UBAC2: variants seen among roughly 807,000 people sequenced by gnomAD.
The protein encoded by UBAC2 is ubiquitin-associated domain-containing protein 2.
In UBAC2, 26 loss-of-function variants were observed where a neutral mutation model predicts 44.0. The observed-to-expected ratio is 0.59, with a 90% CI of 0.43 to 0.82. The LOEUF (loss-of-function observed/expected upper bound fraction) is 0.82. UBAC2 is among the 40% of genes least tolerant of loss of function. The pLI, the probability that UBAC2 is intolerant of heterozygous loss-of-function variation, is 0.00. For missense variants in UBAC2, 329 were observed against 419.4 expected (o/e 0.78, Z 1.88); for synonymous variants, 155 against 154.3 (o/e 1.00, Z -0.04).
chr13:99,285,980 G>A (rs1464003204), intron 4 of UBAC2, among the ~76,000 whole-genome samples: 1 of 152,114 alleles, frequency 6.6e-6, no homozygotes, highest in African/African-American at 2.4e-5. Flanking sequence ...TGACCTTGGA[G>A]CTCACAGTTG....
At chr13:99,205,230 C>G (rs1345018278) in intron 1 of UBAC2, among the ~76,000 whole-genome samples, 3 of 152,062 alleles carry the variant, frequency 2.0e-5, no homozygotes, top group Non-Finnish European at 2.9e-5. Flanking sequence ...GGAGAGGAGG[C>G]TTAGCTTGTT....
intron 8 of UBAC2, among the ~76,000 whole-genome samples, chr13:99,374,195 G>A (rs2045448125): frequency 1.3e-5 from 2 of 152,154 alleles, no homozygotes; most frequent in Non-Finnish European, 2.9e-5. Flanking sequence ...TAACTGATAG[G>A]TTAACATTGA....
At chr13:99,255,651 A>G in intron 4 of UBAC2, 1 of 1,614,118 alleles carries the variant, frequency 6.2e-7, no homozygotes. Flanking sequence ...GAAAGGGTAA[A>G]GTCATTATAA....
At chr13:99,372,889 C>T (rs745340696) in intron 8 of UBAC2, among the ~76,000 whole-genome samples, 5 of 152,042 alleles carry the variant, frequency 3.3e-5, no homozygotes, top group African/African-American at 7.2e-5. Flanking sequence ...CTGAGGCGGA[C>T]GGATCACGAG....
chr13:99,250,644 T>C (rs185050717), intron 4 of UBAC2, among the ~76,000 whole-genome samples: 111 of 152,362 alleles, frequency 7.3e-4, no homozygotes, highest in African/African-American at 2.5e-3. Context: ...GCCTTAAATC[T>C]GTAGATTGCT....
intron 4 of UBAC2, chr13:99,313,519 G>A (rs1416934954): frequency 1.3e-5 from 2 of 152,254 alleles, no homozygotes; most frequent in African/African-American, 4.8e-5. Flanking sequence ...CTATAGAAAG[G>A]GTTGAGATTG....
intron 1 of UBAC2, among the ~76,000 whole-genome samples, chr13:99,221,682 C>G (rs1222587156): frequency 6.6e-6 from 1 of 152,190 alleles, no homozygotes; most frequent in African/African-American, 2.4e-5. Context: ...AAATGCTGCC[C>G]TGTTCCACCT....
intron 1 of UBAC2, among the ~76,000 whole-genome samples, chr13:99,203,023 T>TTTTA (rs58103279): frequency 0.11 from 15,427 of 146,406 alleles, 1,073 homozygotes; most frequent in African/African-American, 0.19. Context: ...CTTTGTTTTA[T>TTTTA]TTTATTTATT....
chr13:99,284,635 A>G (rs1422506139), intron 4 of UBAC2, among the ~76,000 whole-genome samples: 2 of 152,230 alleles, frequency 1.3e-5, no homozygotes, highest in Non-Finnish European at 2.9e-5. Context: ...AATTGTCCAA[A>G]TAATGTCCTT....
chr13:99,311,262 G>A (rs2138758492), intron 4 of UBAC2, among the ~76,000 whole-genome samples: 1 of 152,310 alleles, frequency 6.6e-6, no homozygotes. Context: ...CAGGAAGAGA[G>A]TAGAGAATGC....
intron 1 of UBAC2, among the ~76,000 whole-genome samples, chr13:99,202,253 T>A (rs1467093857): frequency 2.0e-5 from 3 of 152,170 alleles, no homozygotes; most frequent in African/African-American, 7.2e-5. Flanking sequence ...TTCCTTTGTT[T>A]CATAATTAAT....
chr13:99,219,464 G>C (rs972229895), intron 1 of UBAC2, among the ~76,000 whole-genome samples: 1 of 152,156 alleles, frequency 6.6e-6, no homozygotes, highest in South Asian at 2.1e-4. Context: ...AGAAAGAAAC[G>C]GAGTGCCCAT....
chr13:99,381,686 CAG>C (rs1218937227), intron 8 of UBAC2, among the ~76,000 whole-genome samples: 2 of 152,142 alleles, frequency 1.3e-5, no homozygotes, highest in African/African-American at 4.8e-5. Flanking sequence ...CCACCTTGAT[CAG>C]AGAGAGTTTT....
chr13:99,304,593 C>T (rs2044304154), intron 4 of UBAC2, among the ~76,000 whole-genome samples: 1 of 152,144 alleles, frequency 6.6e-6, no homozygotes. Flanking sequence ...TTATTACACC[C>T]CAGTAAGCCC....
chr13:99,215,848 G>T, intron 1 of UBAC2: 1 of 510,294 alleles, frequency 2.0e-6, no homozygotes. Flanking sequence ...ATCGCACCGT[G>T]ATTCAAACTG....
At chr13:99,238,677 A>G in intron 2 of UBAC2, 123 bp downstream of exon 2, 1 of 891,882 alleles carries the variant, frequency 1.1e-6, no homozygotes, top group Non-Finnish European at 1.5e-6. Flanking sequence ...AATATTTATT[A>G]TTAATATTTC....
At chr13:99,289,916 A>G (rs1566486953) in intron 4 of UBAC2, among the ~76,000 whole-genome samples, 1 of 152,020 alleles carries the variant, frequency 6.6e-6, no homozygotes, top group Non-Finnish European at 1.5e-5. Flanking sequence ...CCCCCAACCC[A>G]TTGGTCAGAG....
At chr13:99,314,445 C>G (rs1354425530) in intron 5 of UBAC2, among the ~76,000 whole-genome samples, 1 of 152,040 alleles carries the variant, frequency 6.6e-6, no homozygotes, top group African/African-American at 2.4e-5. Flanking sequence ...CTGATAAGAG[C>G]TTTCACTGTA....
intron 8 of UBAC2, among the ~76,000 whole-genome samples, chr13:99,379,756 A>G: frequency 6.6e-6 from 1 of 152,216 alleles, no homozygotes; most frequent in Non-Finnish European, 1.5e-5. Context: ...ACTCTCCTGT[A>G]AGACGTTTCA....
Sources: allele counts gnomAD v4.1 joint callset (sites outside exome capture counted in the v4.1 genomes callset), GRCh38; gene constraint gnomAD v4.1.1; transcripts MANE v1.5; gene names NCBI Gene and HGNC (gene_info 2026-07-23, HGNC 2026-07-21).